The following SCAMP1 variants were observed in gnomAD, a reference collection of about 807,000 sequenced individuals.
SCAMP1 encodes secretory carrier membrane protein 1.
Under a neutral mutation model 41.8 loss-of-function variants are expected in SCAMP1, and 15 were observed. That is an observed-to-expected ratio of 0.36 (90% CI 0.24 to 0.55). The LOEUF (loss-of-function observed/expected upper bound fraction) is 0.55, where lower values mean the gene tolerates loss of function less well. SCAMP1 is among the 20% of genes least tolerant of loss of function. SCAMP1 has a pLI of 0.86. For missense variants in SCAMP1, 341 were observed against 412.6 expected, an observed-to-expected ratio of 0.83 and a Z score of 1.50; for synonymous variants, 135 against 136.8, an observed-to-expected ratio of 0.99 and a Z score of 0.09.
chr5:78,450,958 G>C (rs1036842266), intron 7 of SCAMP1, among the ~76,000 whole-genome samples: 2 of 152,126 alleles, frequency 1.3e-5, no homozygotes, highest in African/African-American at 2.4e-5. Context: ...AGATAAAGTA[G>C]TTTTTATTAT....
chr5:78,477,585 A>G lies in SCAMP1; in HGVS notation c.*1917A>G, dbSNP rs1012191449. Reference sequence around the variant, plus strand: ...CCTGTACACTACAAACAAAAGATATATTAGAGACTTTTGAAAAATGCTGAA... The same window carrying G: ...CCTGTACACTACAAACAAAAGATATGTTAGAGACTTTTGAAAAATGCTGAA... On this transcript the variant is annotated 3_prime_UTR_variant, in exon 9 of 9. Transcript: ENST00000621999. 4.6e-5 allele frequency: 7 copies of G among 152,188 alleles called. No homozygotes were observed. The highest frequency in any genetic ancestry group is 1.7e-4 in the African/African-American group (7 of 41,458). The allele number at this position is 152,188 out of a possible 1,614,324, so 9.4% of individuals were successfully genotyped here. A position where few individuals can be genotyped will look rare whatever the true frequency, so the allele number is the denominator to read the frequency against.
At chr5:78,432,478 C>T (rs747533512) in intron 6 of SCAMP1, among the ~76,000 whole-genome samples, 1 of 151,998 alleles carries the variant, frequency 6.6e-6, no homozygotes, top group Non-Finnish European at 1.5e-5. Context: ...AATATGGGTT[C>T]ACAGGTATTT....
intron 6 of SCAMP1, among the ~76,000 whole-genome samples, chr5:78,445,584 A>G (rs1044715752): frequency 6.6e-6 from 1 of 152,072 alleles, no homozygotes; most frequent in Non-Finnish European, 1.5e-5. Flanking sequence ...CTCTTCCTGC[A>G]CGCAAGACCC....
rs948931864 is a variant in SCAMP1, at chr5:78,388,899, C to T, written c.120C>T (p.Phe40=). 17 of 1,523,174 alleles carry T rather than the reference C, an allele frequency of 1.1e-5. No individual in the cohort carries two copies. Among genetic ancestry groups the T allele is most frequent in the Non-Finnish European group, 1.4e-5 (16 of 1,105,512 alleles). 94.4% of individuals were successfully genotyped at this position (1,523,174 alleles called of 1,614,324 possible). The change falls in exon 2 of 9, where the codon TTC becomes TTT. Residue 40 remains phenylalanine (F), a synonymous_variant. Transcript: ENST00000621999. ...CAGGACTTGATGAATATAATCCATT[C>T]TCGGATTCTAGAACAGTAAGATTAT... ...VPPGLDEYNP[F]SDSRTPPPGG...
chr5:78,467,498 C>T (rs1753776536), intron 8 of SCAMP1, among the ~76,000 whole-genome samples: 1 of 152,130 alleles, frequency 6.6e-6, no homozygotes, highest in Non-Finnish European at 1.5e-5. Context: ...GAATGGTGCT[C>T]ATATGCCAGG....
rs1296097313 is a variant in SCAMP1 at position 78,406,572 on chromosome 5, G to A, written c.136-8948G>A. 1.6e-4 allele frequency among the ~76,000 whole-genome samples: 25 copies of A among 152,258 alleles called. No homozygotes were observed. In the East Asian group the frequency reaches 4.8e-3, roughly 29 times the overall value. ...ATGAATCACCCTTGGAATTTCCAGT[G>A]CAGAGAGCTTACTATATTATAGAGC... On this transcript the variant is annotated intron_variant, in intron 2 of 8. Transcript: ENST00000621999.
intron 1 of SCAMP1, among the ~76,000 whole-genome samples, chr5:78,362,895 C>CTTT (rs397962842): frequency 1.4e-4 from 19 of 136,584 alleles, no homozygotes; most frequent in Admixed American, 3.0e-4. Context: ...TCTTTTTTTA[C>CTTT]TTTTTTTTTT....
intron 6 of SCAMP1, among the ~76,000 whole-genome samples, chr5:78,431,414 A>G (rs1014585094): frequency 1.3e-5 from 2 of 151,594 alleles, no homozygotes; most frequent in Admixed American, 6.6e-5. Flanking sequence ...CTTTTAATTA[A>G]TGTGCTTATG....
intron 6 of SCAMP1, among the ~76,000 whole-genome samples, chr5:78,446,840 A>G (rs962932738): frequency 2.0e-5 from 3 of 152,226 alleles, no homozygotes; most frequent in Non-Finnish European, 1.5e-5. Context: ...AGAAAACATT[A>G]TTAATGAACC....
intron 1 of SCAMP1, among the ~76,000 whole-genome samples, chr5:78,368,120 C>T (rs963777466): frequency 3.3e-5 from 5 of 152,164 alleles, no homozygotes; most frequent in African/African-American, 1.2e-4. Flanking sequence ...TTTAATCTTA[C>T]CAGAGTTCAA....
chr5:78,429,271 T>C (rs375439300), intron 6 of SCAMP1, among the ~76,000 whole-genome samples: 14 of 151,498 alleles, frequency 9.2e-5, no homozygotes, highest in East Asian at 5.8e-4. Context: ...ATATTGACTG[T>C]AGATTTTTTT....
Position 78,360,657 on chromosome 5 carries a change from C to T in SCAMP1, c.-15C>T. On this transcript the variant is annotated 5_prime_UTR_variant, in exon 1 of 9. Coordinates refer to ENST00000621999, the MANE Select transcript of SCAMP1 (RefSeq NM_004866.6). ...CTGCGCCTGGGTCGGGTGGGTGACG[C>T]CGAGAGCCAGAGAGATGTCGGATTT... 1 of 1,605,396 alleles carries T rather than the reference C, an allele frequency of 6.2e-7. No homozygotes were observed. The highest frequency in any genetic ancestry group is 1.1e-5 in the South Asian group (1 of 89,352).
At chr5:78,396,756 C>T (rs985634672) in intron 2 of SCAMP1, among the ~76,000 whole-genome samples, 6 of 152,156 alleles carry the variant, frequency 3.9e-5, no homozygotes, top group Admixed American at 6.5e-5. Context: ...TGAGAAGAAA[C>T]AACTTAGTGT....
intron 6 of SCAMP1, among the ~76,000 whole-genome samples, chr5:78,432,611 G>C (rs1314326174): frequency 6.6e-6 from 1 of 151,926 alleles, no homozygotes; most frequent in Admixed American, 6.6e-5. Context: ...AGTGTGTCTT[G>C]TTTTCTCTGG....
chr5:78,439,166 C>A (rs1167940381), intron 6 of SCAMP1, among the ~76,000 whole-genome samples: 2 of 152,172 alleles, frequency 1.3e-5, no homozygotes, highest in African/African-American at 4.8e-5. Flanking sequence ...GAATCTTTAT[C>A]CAATTTGCCA....
At position 78,388,802 on chromosome 5, in the gene SCAMP1, G is replaced by A. The variant is rs748640417; in HGVS notation, c.58-35G>A. 1.6e-5 allele frequency: 18 copies of A among 1,113,540 alleles called. No homozygotes were observed. In the East Asian group the frequency reaches 3.5e-4, roughly 22 times the overall value. 69.0% of individuals were successfully genotyped at this position (1,113,540 alleles called of 1,614,324 possible). A position where few individuals can be genotyped will look rare whatever the true frequency, so the allele number is the denominator to read the frequency against. ...ATCAAAATTATTTTTTAAAGGATAAGTAATCTTTTTTTTCTCCTTTGAATT... is the reference window on the plus strand; with the variant it reads ...ATCAAAATTATTTTTTAAAGGATAAATAATCTTTTTTTTCTCCTTTGAATT... On this transcript the variant is annotated intron_variant, in intron 1 of 8. Transcript: ENST00000621999.
In SCAMP1 at chr5:78,375,750, A is replaced by G. The variant is rs1751049337; in HGVS notation, c.58-13087A>G. On this transcript the variant is annotated intron_variant, in intron 1 of 8. Coordinates refer to ENST00000621999, the MANE Select transcript of SCAMP1 (RefSeq NM_004866.6). ...AAAAACTTAGAGGAAATTTAAGTCT[A>G]GTTTGTCATATTTCTTTTTGCTAAC... Among the ~76,000 whole-genome samples, 3 of 152,182 alleles carry G rather than the reference A, an allele frequency of 2.0e-5. No individual in the cohort carries two copies. The South Asian group carries it at 6.2e-4, about 31-fold the overall frequency.
At chr5:78,362,332 A>G (rs1472054546) in intron 1 of SCAMP1, among the ~76,000 whole-genome samples, 1 of 152,236 alleles carries the variant, frequency 6.6e-6, no homozygotes, top group Non-Finnish European at 1.5e-5. Flanking sequence ...CTACTTGGTC[A>G]TTCCATTTCA....
chr5:78,416,673 T>C, intron 4 of SCAMP1, 24 bp downstream of exon 4: 1 of 1,515,724 alleles, frequency 6.6e-7, no homozygotes, highest in Non-Finnish European at 8.9e-7. Flanking sequence ...AAATTTGAAA[T>C]AAAAATAACT....
Sources: allele counts gnomAD v4.1 joint callset (sites outside exome capture counted in the v4.1 genomes callset), GRCh38; gene constraint gnomAD v4.1.1; transcripts MANE v1.5; gene names NCBI Gene and HGNC (gene_info 2026-07-23, HGNC 2026-07-21).